RAI14: variants seen among roughly 807,000 people sequenced by gnomAD.
RAI14 encodes retinoic acid induced 14.
A neutral mutation model predicts 115.4 loss-of-function variants in RAI14; 45 were observed. That is an observed-to-expected ratio of 0.39 (90% CI 0.31 to 0.50). The LOEUF (loss-of-function observed/expected upper bound fraction) is 0.50, where lower values mean the gene tolerates loss of function less well. Among genes scored for constraint, RAI14 ranks in the 20% least tolerant of loss-of-function variants. The probability of loss-of-function intolerance (pLI) is 0.85; values close to 1 mark genes in which losing one functional copy is unlikely to be tolerated. For missense variants in RAI14, 939 were observed against 1,131.2 expected, an observed-to-expected ratio of 0.83 and a Z score of 2.44; for synonymous variants, 371 against 415.4, an observed-to-expected ratio of 0.89 and a Z score of 1.30.
At chr5:34,796,305 T>C (rs887874723) in intron 4 of RAI14, among the ~76,000 whole-genome samples, 1 of 150,634 alleles carries the variant, frequency 6.6e-6, no homozygotes, top group African/African-American at 2.4e-5. Context: ...GGCTGAGACA[T>C]GAGAATCACT....
At chr5:34,798,926 C>T (rs927710349) in intron 4 of RAI14, among the ~76,000 whole-genome samples, 2 of 152,206 alleles carry the variant, frequency 1.3e-5, no homozygotes, top group African/African-American at 4.8e-5. Context: ...CCGTCACTTC[C>T]TTCTCACCTG....
intron 2 of RAI14, among the ~76,000 whole-genome samples, chr5:34,746,986 A>G (rs112661920): frequency 0.22 from 33,521 of 152,056 alleles, 4,092 homozygotes; most frequent in East Asian, 0.35. Flanking sequence ...TTCTCTTCCC[A>G]CTGCCATGTA....
intron 12 of RAI14, among the ~76,000 whole-genome samples, chr5:34,817,272 C>CAAAAAAAAAA (rs34084798): frequency 1.0e-5 from 1 of 97,146 alleles, no homozygotes; most frequent in Non-Finnish European, 2.0e-5. Flanking sequence ...CACTCCATCT[C>CAAAAAAAAAA]AAAAAAAAAA....
intron 1 of RAI14, among the ~76,000 whole-genome samples, chr5:34,665,235 A>G (rs1423759111): frequency 1.6e-5 from 2 of 127,526 alleles, no homozygotes; most frequent in African/African-American, 6.1e-5. Context: ...TCATTGATTG[A>G]TGGGTATTTG....
intron 4 of RAI14, among the ~76,000 whole-genome samples, chr5:34,800,719 G>A (rs763999699): frequency 2.6e-5 from 4 of 152,300 alleles, no homozygotes; most frequent in Non-Finnish European, 4.4e-5. Context: ...TTCCAGGTAT[G>A]ACTAGAACAC....
intron 3 of RAI14, among the ~76,000 whole-genome samples, chr5:34,761,094 A>G: frequency 6.6e-6 from 1 of 152,242 alleles, no homozygotes; most frequent in Middle Eastern, 3.2e-3. Flanking sequence ...TTCATGGTAG[A>G]CATATACATA....
intron 2 of RAI14, among the ~76,000 whole-genome samples, chr5:34,692,499 A>T (rs1184663481): frequency 1.3e-5 from 2 of 152,108 alleles, no homozygotes; most frequent in African/African-American, 4.8e-5. Flanking sequence ...ACGCCACTGC[A>T]CTCCAGCCTG....
chr5:34,808,981 C>T (rs528451111), intron 7 of RAI14, among the ~76,000 whole-genome samples: 109 of 152,292 alleles, frequency 7.2e-4, no homozygotes, highest in African/African-American at 2.4e-3. Flanking sequence ...ACTTACTCCC[C>T]GCTGTGCAGC....
At chr5:34,674,558 C>T (rs1190314083) in intron 1 of RAI14, among the ~76,000 whole-genome samples, 3 of 151,658 alleles carry the variant, frequency 2.0e-5, no homozygotes, top group Admixed American at 6.6e-5. Flanking sequence ...ATATGGGTCT[C>T]CCTTTTGCTT....
At chr5:34,757,637 G>T (rs1403352736) in intron 3 of RAI14, 39 bp downstream of exon 3, 3 of 1,562,104 alleles carry the variant, frequency 1.9e-6, no homozygotes, top group Non-Finnish European at 2.6e-6. Flanking sequence ...GCTGGTTCTG[G>T]GTTTTTGGGG....
chr5:34,789,683 C>G (rs1752702911), intron 3 of RAI14, among the ~76,000 whole-genome samples: 1 of 152,198 alleles, frequency 6.6e-6, no homozygotes. Flanking sequence ...TCCCTTTTAT[C>G]AAGCAACATG....
chr5:34,714,820 T>G (rs1188632383), intron 2 of RAI14, among the ~76,000 whole-genome samples: 2 of 152,142 alleles, frequency 1.3e-5, no homozygotes. Flanking sequence ...AGCATTGCAG[T>G]AGCCCAACCT....
In RAI14 at chr5:34,827,862, T is replaced by TATA. The variant is rs2150312739; in HGVS notation, c.2799+1384_2799+1385insTAA. ...GCCCTCAAGGAGTTTATACTCTATA[T>TATA]AAGTTATCAGCAAAGAGATGCCCAG... On this transcript the variant is annotated intron_variant, in intron 16 of 17. Transcript: ENST00000265109. This position sits in a 1 kb window ranked among gnomAD's most constrained non-coding sequence, Gnocchi z 4.2. Among the ~76,000 whole-genome samples the TATA allele has an allele frequency of 6.6e-6, 1 of 152,188 alleles. No homozygotes were observed. Among genetic ancestry groups the TATA allele is most frequent in the East Asian group, 1.9e-4 (1 of 5,196 alleles).
chr5:34,732,003 G>C (rs1336768833), intron 2 of RAI14, among the ~76,000 whole-genome samples: 1 of 152,202 alleles, frequency 6.6e-6, no homozygotes, highest in South Asian at 2.1e-4. Context: ...GCCTCCTGCT[G>C]TCTGTTTTCA....
chr5:34,722,023 CT>C (rs1262854150), intron 2 of RAI14, among the ~76,000 whole-genome samples: 1 of 152,066 alleles, frequency 6.6e-6, no homozygotes, highest in African/African-American at 2.4e-5. Context: ...TGGCTGGACA[CT>C]TTTAACTGCT....
At chr5:34,745,637 C>G (rs541345630) in intron 2 of RAI14, among the ~76,000 whole-genome samples, 7 of 152,308 alleles carry the variant, frequency 4.6e-5, no homozygotes, top group Admixed American at 1.3e-4. Context: ...CATGATAGAT[C>G]AAGCCAACTG....
At chr5:34,691,899 A>G (rs1327576914) in intron 2 of RAI14, among the ~76,000 whole-genome samples, 1 of 152,160 alleles carries the variant, frequency 6.6e-6, no homozygotes, top group Non-Finnish European at 1.5e-5. Context: ...GGAAATGCAC[A>G]CACCCCATGA....
Position 34,811,920 on chromosome 5 carries a change from A to C in RAI14, c.711A>C (p.Leu237=). ...AAAATGCAGGAATTCAAAGCCTTCT[A>C]TTATCAAAAATCTCTCAGGATGCTG... ...LSENAGIQSL[L]LSKISQDADL... Residue 237 remains leucine (L), a synonymous_variant, in exon 9 of 18, where the codon CTA becomes CTC. Coordinates refer to ENST00000265109, the MANE Select transcript of RAI14 (RefSeq NM_015577.3). The C allele has an allele frequency of 6.2e-7, 1 of 1,610,852 alleles. No homozygotes were observed. Among genetic ancestry groups the C allele is most frequent in the Non-Finnish European group, 8.5e-7 (1 of 1,179,010 alleles).
chr5:34,767,380 T>C (rs1198582948), intron 3 of RAI14, among the ~76,000 whole-genome samples: 2 of 152,044 alleles, frequency 1.3e-5, no homozygotes, highest in African/African-American at 4.8e-5. Context: ...AGGGTGGAGA[T>C]GGATCTCAGA....
Sources: gnomAD v4.1 joint callset for allele counts (sites outside exome capture counted in the v4.1 genomes callset) on GRCh38, gnomAD v4.1.1 for gene constraint, Gnocchi (gnomAD v3.1) non-coding constraint, MANE v1.5 for transcripts, NCBI Gene and HGNC (gene_info 2026-07-23, HGNC 2026-07-21) for gene names.